The following JRK variants were observed in gnomAD, a reference collection of about 807,000 sequenced individuals.
The protein encoded by JRK is jerky protein homolog.
For missense variants in JRK, 720 were observed against 509.2 expected (o/e 1.41, Z -3.98); for synonymous variants, 303 against 218.1 (o/e 1.39, Z -3.43).
downstream of JRK, among the ~76,000 whole-genome samples, chr8:142,654,966 A>C (rs1846721329): frequency 6.6e-6 from 1 of 152,074 alleles, no homozygotes; most frequent in Admixed American, 6.5e-5. Flanking sequence ...GTCCCTTCTG[A>C]GGCTCTGCCT....
chr8:142,656,913 C>T (rs1237090520), downstream of JRK, among the ~76,000 whole-genome samples: 1 of 152,186 alleles, frequency 6.6e-6, no homozygotes, highest in Non-Finnish European at 1.5e-5. Flanking sequence ...CCATCCCTCA[C>T]ACCCACAGCT....
At chr8:142,643,697 T>C in the JRK span, among the ~76,000 whole-genome samples, 1 of 152,252 alleles carries the variant, frequency 6.6e-6, no homozygotes, top group South Asian at 2.1e-4. Context: ...CCAAGGGGCT[T>C]TTATTGGCTC....
rs782138620 is a variant in JRK, at chr8:142,658,935, CCA to C, written c.*5415_*5416del. ...GAGGTCACTACCACATCCTCAAGGC[CCA>C]CAGTCTCCTGAAACAACAGAACTTT... On this transcript the variant is annotated 3_prime_UTR_variant, in exon 2 of 2. Transcript: ENST00000612905. The C allele has an allele frequency of 4.3e-6, 7 of 1,613,016 alleles. No homozygotes were observed. The highest frequency in any genetic ancestry group is 2.2e-5 in the East Asian group (1 of 44,882).
Position 142,663,841 on chromosome 8 carries a change from C to G in JRK, c.*511G>C. 1.0e-6 allele frequency: 1 copy of G among 987,444 alleles called. No homozygotes were observed. The highest frequency in any genetic ancestry group is 1.2e-6 in the Non-Finnish European group (1 of 831,414). The allele number at this position is 987,444 out of a possible 1,614,324, so 61.2% of individuals were successfully genotyped here. On this transcript the variant is annotated 3_prime_UTR_variant, in exon 2 of 2. Coordinates refer to ENST00000612905, the MANE Select transcript of JRK (RefSeq NM_003724.4). ...AGTCCCAGCTCTCGGGCCATCGGACCTCAGGCAACCGTGCTCGGGGTCCAC... is the reference window on the plus strand; with the variant it reads ...AGTCCCAGCTCTCGGGCCATCGGACGTCAGGCAACCGTGCTCGGGGTCCAC...
rs1847076524 is a variant in JRK, at chr8:142,665,296, T to C, written c.763A>G (p.Lys255Glu). ...KGIQHLPVAYKAQGNAWVDKE... is the reference protein window; with the variant it reads ...KGIQHLPVAYEAQGNAWVDKE... ...TCCACCCAGGCGTTCCCCTGGGCCT[T>C]ATAGGCGACGGGCAGGTGCTGGATG... The change falls in exon 2 of 2, where the codon AAG becomes GAG. Residue 255 changes from lysine to glutamate, a missense_variant. Coordinates refer to ENST00000612905, the MANE Select transcript of JRK (RefSeq NM_003724.4). The C allele has an allele frequency of 1.4e-6, 1 of 717,778 alleles. No individual in the cohort carries two copies. The highest frequency in any genetic ancestry group is 2.0e-5 in the Admixed American group (1 of 50,026). The allele number at this position is 717,778 out of a possible 1,614,324, so 44.5% of individuals were successfully genotyped here. A position where few individuals can be genotyped will look rare whatever the true frequency, so the allele number is the denominator to read the frequency against.
downstream of JRK, among the ~76,000 whole-genome samples, chr8:142,654,902 G>T (rs1484754906): frequency 9.7e-6 from 1 of 103,488 alleles, no homozygotes; most frequent in African/African-American, 2.9e-5. Context: ...TCTCAGCAGA[G>T]AGCTGCACTT....
downstream of JRK, among the ~76,000 whole-genome samples, chr8:142,653,532 CCTGG>C (rs1197511149): frequency 2.0e-5 from 3 of 152,016 alleles, no homozygotes; most frequent in African/African-American, 4.8e-5. Context: ...TGCCACCACT[CCTGG>C]CTATTTTTTT....
the JRK span, among the ~76,000 whole-genome samples, chr8:142,646,989 G>C: frequency 2.0e-5 from 3 of 152,140 alleles, no homozygotes; most frequent in Non-Finnish European, 4.4e-5. Flanking sequence ...ATGACTCTTA[G>C]ACGAAAAATC....
the JRK span, among the ~76,000 whole-genome samples, chr8:142,649,282 A>G: frequency 3.9e-5 from 6 of 152,162 alleles, no homozygotes; most frequent in African/African-American, 1.4e-4. Context: ...GGGAGGGGCC[A>G]AGGGCAGAAT....
chr8:142,667,681 T>C (rs1847174772), intron 1 of JRK, among the ~76,000 whole-genome samples: 1 of 152,220 alleles, frequency 6.6e-6, no homozygotes, highest in Non-Finnish European at 1.5e-5. Context: ...AAGCTTGCTT[T>C]TAAGTTTCAC....
chr8:142,659,776 G>A lies in JRK; in HGVS notation c.*4576C>T. 3.0e-6 allele frequency: 3 copies of A among 985,542 alleles called. No individual in the cohort carries two copies. Among genetic ancestry groups the A allele is most frequent in the Non-Finnish European group, 3.6e-6 (3 of 829,998 alleles). 61.0% of individuals were successfully genotyped at this position (985,542 alleles called of 1,614,324 possible). On this transcript the variant is annotated 3_prime_UTR_variant, in exon 2 of 2. Coordinates refer to ENST00000612905, the MANE Select transcript of JRK (RefSeq NM_003724.4). ...GGTGAACAGCAGGGAGTGAGCAGTGGAGAACGTGAGGCTGGTCATTAGGAG... is the reference window on the plus strand; with the variant it reads ...GGTGAACAGCAGGGAGTGAGCAGTGAAGAACGTGAGGCTGGTCATTAGGAG...
Position 142,658,727 on chromosome 8 carries a change from A to T in JRK, c.*5625T>A. 1 of 1,438,738 alleles carries T rather than the reference A, an allele frequency of 7.0e-7. No individual in the cohort carries two copies. The highest frequency in any genetic ancestry group is 9.2e-7 in the Non-Finnish European group (1 of 1,087,088). The allele number at this position is 1,438,738 out of a possible 1,614,324, so 89.1% of individuals were successfully genotyped here. On this transcript the variant is annotated 3_prime_UTR_variant, in exon 2 of 2. Transcript: ENST00000612905. ...ATAAACTTTGGGGGGGGACACAAACATGCAGTCCTTAACACCATCGTCATG... is the reference window on the plus strand; with the variant it reads ...ATAAACTTTGGGGGGGGACACAAACTTGCAGTCCTTAACACCATCGTCATG...
intron 1 of JRK, among the ~76,000 whole-genome samples, chr8:142,668,241 T>C (rs1312235415): frequency 2.6e-5 from 4 of 152,224 alleles, no homozygotes; most frequent in Admixed American, 2.0e-4. Flanking sequence ...ACGCAGCCCT[T>C]TGAGGCCAGA....
At chr8:142,648,839 A>G in the JRK span, among the ~76,000 whole-genome samples, 2 of 152,204 alleles carry the variant, frequency 1.3e-5, no homozygotes, top group African/African-American at 4.8e-5. Context: ...AAAGCCACAG[A>G]CACTCAACAC....
chr8:142,667,432 G>GACACACACAC lies in JRK; in HGVS notation c.-462-922_-462-913dup, dbSNP rs59385009. Among the ~76,000 whole-genome samples, 834 of 146,914 alleles carry GACACACACAC rather than the reference G, an allele frequency of 5.7e-3. 12 individuals are homozygous for GACACACACAC. The highest frequency in any genetic ancestry group is 0.021 in the African/African-American group (808 of 39,272). On this transcript the variant is annotated intron_variant, in intron 1 of 1. Coordinates refer to ENST00000612905, the MANE Select transcript of JRK (RefSeq NM_003724.4). The stretch of plus-strand genomic sequence containing the variant: ...CCTGCCAGACATGGACGGACACGGA[G>GACACACACAC]ACACACACACACACACACACACACA...
At position 142,665,972 on chromosome 8, in the gene JRK, G is replaced by A. The variant is rs1023886187; in HGVS notation, c.87C>T (p.Cys29=). The A allele has an allele frequency of 1.4e-5, 15 of 1,094,738 alleles. No individual in the cohort carries two copies. In the Admixed American group the frequency reaches 1.9e-4, roughly 14 times the overall value. The allele number at this position is 1,094,738 out of a possible 1,614,324, so 67.8% of individuals were successfully genotyped here. ...VLTLKEKIDI[C]TRLEKGESRK... ...GGCTCTCGCCCTTCTCCAGGCGCGTGCAGATGTCAATCTTCTCCTTCAGTG... is the reference window on the plus strand; with the variant it reads ...GGCTCTCGCCCTTCTCCAGGCGCGTACAGATGTCAATCTTCTCCTTCAGTG... The change falls in exon 2 of 2, where the codon TGC becomes TGT. Residue 29 remains cysteine, a synonymous_variant. Coordinates refer to ENST00000612905, the MANE Select transcript of JRK (RefSeq NM_003724.4).
Position 142,665,807 on chromosome 8 carries a change from G to A in JRK, c.252C>T (p.Pro84=). ...GGACGCGGTCCAGGTGCTCCAGCTT[G>A]GGCGTGTGCAGCGTGCGCCGCTGCT... ...ALEQRRTLHT[P]KLEHLDRVLY... Residue 84 remains proline, a synonymous_variant, in exon 2 of 2, where the codon CCC becomes CCT. Transcript: ENST00000612905. 1 of 778,926 alleles carries A rather than the reference G, an allele frequency of 1.3e-6. No individual in the cohort carries two copies. The highest frequency in any genetic ancestry group is 1.7e-5 in the Admixed American group (1 of 58,848). The allele number at this position is 778,926 out of a possible 1,614,324, so 48.3% of individuals were successfully genotyped here.
chr8:142,663,066 T>C lies in JRK; in HGVS notation c.*1286A>G. 1 of 770,508 alleles carries C rather than the reference T, an allele frequency of 1.3e-6. No homozygotes were observed. Among genetic ancestry groups the C allele is most frequent in the Non-Finnish European group, 1.6e-6 (1 of 633,960 alleles). The allele number at this position is 770,508 out of a possible 1,614,324, so 47.7% of individuals were successfully genotyped here. ...TACTCAGGAGGCTGGGGCGGGAGGA[T>C]CACTCAAGCCAGGGAGGTCGAGGCT... is the stretch of plus-strand genomic sequence containing the variant. On this transcript the variant is annotated 3_prime_UTR_variant, in exon 2 of 2. Transcript: ENST00000612905.
rs73379614 is a variant in JRK, at chr8:142,661,961, C to T, written c.*2391G>A. 2,707 of 985,494 alleles carry T rather than the reference C, an allele frequency of 2.7e-3. 61 individuals carry two copies. The African/African-American group carries it at 0.044, about 16-fold the overall frequency. The allele number at this position is 985,494 out of a possible 1,614,324, so 61.0% of individuals were successfully genotyped here. On this transcript the variant is annotated 3_prime_UTR_variant, in exon 2 of 2. Coordinates refer to ENST00000612905, the MANE Select transcript of JRK (RefSeq NM_003724.4). ...GGGCCCAGCAGCTCAGAGATGAGTACGCTCTGGGCTCCCTAAAAACCTCAC... is the reference window on the plus strand; with the variant it reads ...GGGCCCAGCAGCTCAGAGATGAGTATGCTCTGGGCTCCCTAAAAACCTCAC...
Sources: allele counts gnomAD v4.1 joint callset (sites outside exome capture counted in the v4.1 genomes callset), GRCh38; gene constraint gnomAD v4.1.1; transcripts MANE v1.5; gene names NCBI Gene and HGNC (gene_info 2026-07-23, HGNC 2026-07-21).